RAPGEF4: variants seen among roughly 807,000 people sequenced by gnomAD.
RAPGEF4 encodes RAP guanine-nucleotide-exchange factor (GEF) 4.
RAPGEF4 carries 66 observed loss-of-function variants against 147.9 expected under a neutral mutation model. The ratio of observed to expected loss-of-function variants is 0.45; its 90% CI spans 0.37 to 0.55. The LOEUF (loss-of-function observed/expected upper bound fraction) is 0.55, where lower values mean the gene tolerates loss of function less well. Among genes scored for constraint, RAPGEF4 ranks in the 20% least tolerant of loss-of-function variants. The probability of loss-of-function intolerance (pLI) is 0.00; values close to 1 mark genes in which losing one functional copy is unlikely to be tolerated. For synonymous variants in RAPGEF4, 419 were observed against 442.7 expected (o/e 0.95, Z 0.67); for missense variants, 1,071 against 1,257.3 (o/e 0.85, Z 2.24).
At chr2:172,874,711 T>C (rs949972477) in intron 4 of RAPGEF4, among the ~76,000 whole-genome samples, 1 of 152,010 alleles carries the variant, frequency 6.6e-6, no homozygotes, top group East Asian at 1.9e-4. Flanking sequence ...TAAACATACA[T>C]GTGCATGTGT....
chr2:172,783,124 C>T (rs1684833781), intron 1 of RAPGEF4, among the ~76,000 whole-genome samples: 1 of 152,232 alleles, frequency 6.6e-6, no homozygotes, highest in Admixed American at 6.5e-5. Context: ...TAGATATTAG[C>T]AGGCCTGGTC....
At chr2:172,968,943 G>A (rs564606873) in intron 10 of RAPGEF4, among the ~76,000 whole-genome samples, 2 of 152,052 alleles carry the variant, frequency 1.3e-5, no homozygotes, top group African/African-American at 4.8e-5. Flanking sequence ...CCTTTTTGCT[G>A]TCCTCCTTGC....
chr2:172,810,570 T>G (rs772546678), intron 3 of RAPGEF4, among the ~76,000 whole-genome samples: 2 of 152,196 alleles, frequency 1.3e-5, no homozygotes, highest in Non-Finnish European at 2.9e-5. Context: ...TGGATCAGAT[T>G]GGAGGAAAAA....
chr2:172,776,112 AT>A (rs2149498404), intron 1 of RAPGEF4, among the ~76,000 whole-genome samples: 1 of 152,254 alleles, frequency 6.6e-6, no homozygotes, highest in Non-Finnish European at 1.5e-5. Flanking sequence ...ATTTTTATTT[AT>A]TGGTTTAATA....
At chr2:172,902,649 A>G (rs545968681) in intron 4 of RAPGEF4, among the ~76,000 whole-genome samples, 1 of 152,324 alleles carries the variant, frequency 6.6e-6, no homozygotes, top group Non-Finnish European at 1.5e-5. Context: ...TAGCTAAAGC[A>G]CCACTTTCAT....
intron 4 of RAPGEF4, among the ~76,000 whole-genome samples, chr2:172,890,197 T>C (rs1697742394): frequency 6.6e-6 from 1 of 152,216 alleles, no homozygotes; most frequent in Non-Finnish European, 1.5e-5. Flanking sequence ...GGAAGACTGA[T>C]GGTAACATTT....
chr2:172,744,639 T>G (rs760444241), intron 1 of RAPGEF4, among the ~76,000 whole-genome samples: 2 of 152,270 alleles, frequency 1.3e-5, no homozygotes, highest in Non-Finnish European at 2.9e-5. Flanking sequence ...CTGGTAGTTT[T>G]ACTTATTCTT....
intron 6 of RAPGEF4, among the ~76,000 whole-genome samples, chr2:172,936,943 T>C (rs1398348686): frequency 1.5e-5 from 2 of 134,652 alleles, no homozygotes; most frequent in East Asian, 4.8e-4. Flanking sequence ...CTCACACTTG[T>C]AATCCCAGCA....
intron 4 of RAPGEF4, among the ~76,000 whole-genome samples, chr2:172,905,096 T>C (rs1699485563): frequency 6.6e-6 from 1 of 152,052 alleles, no homozygotes; most frequent in Non-Finnish European, 1.5e-5. Flanking sequence ...CTTTCTCCTT[T>C]CTCGCTTCCC....
intron 16 of RAPGEF4, among the ~76,000 whole-genome samples, chr2:172,999,698 C>G (rs1693710123): frequency 6.6e-6 from 1 of 152,190 alleles, no homozygotes; most frequent in Non-Finnish European, 1.5e-5. Context: ...GATGAACTTA[C>G]ATTGGCAAAG....
intron 1 of RAPGEF4, among the ~76,000 whole-genome samples, chr2:172,782,774 A>G (rs1406013432): frequency 6.6e-6 from 1 of 152,206 alleles, no homozygotes; most frequent in Non-Finnish European, 1.5e-5. Context: ...TTTTAACTTA[A>G]TGCTAGTAGG....
At chr2:172,826,430 G>A (rs1193757095) in intron 4 of RAPGEF4, among the ~76,000 whole-genome samples, 1 of 152,032 alleles carries the variant, frequency 6.6e-6, no homozygotes, top group Non-Finnish European at 1.5e-5. Context: ...CTGTTTGGAG[G>A]GTGTTTTTTG....
chr2:172,940,780 G>T (rs1004341245), intron 6 of RAPGEF4, among the ~76,000 whole-genome samples: 3 of 152,116 alleles, frequency 2.0e-5, no homozygotes, highest in South Asian at 2.1e-4. Context: ...CTGGGATTTC[G>T]ATTGGGATTC....
At chr2:172,906,569 G>T (rs1359538553) in intron 4 of RAPGEF4, among the ~76,000 whole-genome samples, 2 of 152,230 alleles carry the variant, frequency 1.3e-5, no homozygotes, top group East Asian at 3.8e-4. Flanking sequence ...GAAAGCAAGG[G>T]GACAGTTGTG....
In RAPGEF4 at chr2:172,968,393, G is replaced by C. The variant is rs193058242; in HGVS notation, c.1004+949G>C. ...TGGATGTCTGCTGGGTGCTTTCCAA[G>C]AGTGAAGTGTCCCTCAGGCCAGCCT... On this transcript the variant is annotated intron_variant, in intron 10 of 30. Coordinates refer to ENST00000397081, the MANE Select transcript of RAPGEF4 (RefSeq NM_007023.4). 1.5e-3 allele frequency among the ~76,000 whole-genome samples: 228 copies of C among 152,282 alleles called. 2 individuals carry two copies. The highest frequency in any genetic ancestry group is 0.01 in the Middle Eastern group (3 of 294).
At chr2:172,853,102 T>C (rs1693042542) in intron 4 of RAPGEF4, among the ~76,000 whole-genome samples, 1 of 152,048 alleles carries the variant, frequency 6.6e-6, no homozygotes, top group South Asian at 2.1e-4. Context: ...TAGCAATTTT[T>C]TTCTTATAGT....
chr2:172,948,941 C>T lies in RAPGEF4; in HGVS notation c.538-11819C>T, dbSNP rs542983095. Reference sequence around the variant, plus strand: ...CTATATAACAAACCTGCATATGTACCCCTGAACTTAAAAGTTTTTAAAAAG... The same window carrying T: ...CTATATAACAAACCTGCATATGTACTCCTGAACTTAAAAGTTTTTAAAAAG... On this transcript the variant is annotated intron_variant, in intron 6 of 30. Coordinates refer to ENST00000397081, the MANE Select transcript of RAPGEF4 (RefSeq NM_007023.4). Among the ~76,000 whole-genome samples, 10 of 152,226 alleles carry T rather than the reference C, an allele frequency of 6.6e-5. No individual in the cohort carries two copies. In the South Asian group the frequency reaches 2.1e-3, roughly 32 times the overall value.
intron 1 of RAPGEF4, among the ~76,000 whole-genome samples, chr2:172,774,392 A>G (rs1383602530): frequency 1.3e-5 from 2 of 152,144 alleles, no homozygotes; most frequent in African/African-American, 2.4e-5. Context: ...TTGGGTCCCA[A>G]TCTTGTTTCT....
intron 6 of RAPGEF4, 124 bp from the exon 7 acceptor site, chr2:172,960,634 CTT>C (rs1689188032): frequency 2.9e-6 from 2 of 680,614 alleles, no homozygotes; most frequent in Non-Finnish European, 4.6e-6. Flanking sequence ...GAATTTATCT[CTT>C]ATTTTTTTAA....
Sources: allele counts gnomAD v4.1 joint callset (sites outside exome capture counted in the v4.1 genomes callset), GRCh38; gene constraint gnomAD v4.1.1; transcripts MANE v1.5; gene names NCBI Gene and HGNC (gene_info 2026-07-23, HGNC 2026-07-21).